The following SMG5 variants were observed in gnomAD, a reference collection of about 807,000 sequenced individuals.
The protein encoded by SMG5 is SMG5 nonsense mediated mRNA decay factor, also known as nonsense-mediated mRNA decay factor SMG5.
In SMG5, 53 loss-of-function variants were observed where a neutral mutation model predicts 122.9. That is an observed-to-expected ratio of 0.43 (90% CI 0.35 to 0.54). The LOEUF (loss-of-function observed/expected upper bound fraction) is 0.54, where lower values mean the gene tolerates loss of function less well. SMG5 is among the 20% of genes least tolerant of loss of function. The pLI is 0.01. For missense variants in SMG5, 1,153 were observed against 1,285.6 expected (o/e 0.90, Z 1.58); for synonymous variants, 477 against 490.2 (o/e 0.97, Z 0.35).
chr1:156,269,911 G>A (rs1172175602), intron 7 of SMG5, among the ~76,000 whole-genome samples: 2 of 151,974 alleles, frequency 1.3e-5, no homozygotes, highest in African/African-American at 4.8e-5. Flanking sequence ...ATGGTGGCAT[G>A]CGCCTTTAAT....
chr1:156,264,811 AGGT>A (rs1662040846), intron 12 of SMG5, among the ~76,000 whole-genome samples: 1 of 152,114 alleles, frequency 6.6e-6, no homozygotes, highest in Non-Finnish European at 1.5e-5. Flanking sequence ...AGATCACCTA[AGGT>A]CAGGAGTTTG....
chr1:156,251,415 T>C lies in SMG5; in HGVS notation c.2816A>G (p.Asp939Gly). The C allele has an allele frequency of 6.2e-7, 1 of 1,614,210 alleles. No individual in the cohort carries two copies. Among genetic ancestry groups the C allele is most frequent in the Non-Finnish European group, 8.5e-7 (1 of 1,180,026 alleles). ...GCTAAAATGTTACCAGGCATCTGCA[T>C]CCTGCCTCTTCAGCTTATGCCGCTC... Reference protein sequence around the residue: ...SFERHKLKRQDADAWTLYKIL... With the variant: ...SFERHKLKRQGADAWTLYKIL... Residue 939 changes from aspartate (D) to glycine (G), a missense_variant, in exon 20 of 22, where the codon GAT (aspartate) becomes GGT (glycine). By Grantham distance (94) the Asp-to-Gly change is moderately conservative (BLOSUM62 -1). Transcript: ENST00000361813.
At position 156,268,110 on chromosome 1, in the gene SMG5, C is replaced by T. The variant is rs758286752; in HGVS notation, c.908+5G>A. 8.7e-6 allele frequency: 14 copies of T among 1,614,068 alleles called. No individual in the cohort carries two copies. Among genetic ancestry groups the T allele is most frequent in the Non-Finnish European group, 1.1e-5 (13 of 1,179,946 alleles). On this transcript the variant is annotated splice_donor_5th_base_variant and intron_variant, in intron 9 of 21. Coordinates refer to ENST00000361813, the MANE Select transcript of SMG5 (RefSeq NM_015327.3). ...TAGTTCAGGTTCATGCTCTCTTCCACTCACCTGCTTTTGGGCTGTAGGAGG... is the reference window on the plus strand; with the variant it reads ...TAGTTCAGGTTCATGCTCTCTTCCATTCACCTGCTTTTGGGCTGTAGGAGG...
intron 7 of SMG5, among the ~76,000 whole-genome samples, chr1:156,268,973 C>A (rs1662278681): frequency 1.4e-5 from 2 of 144,054 alleles, no homozygotes; most frequent in African/African-American, 5.1e-5. Flanking sequence ...CAATCCAACT[C>A]TTTTTTTTTT....
At chr1:156,265,743 G>A (rs775559385) in intron 12 of SMG5, 38 bp downstream of exon 12, 1 of 1,589,568 alleles carries the variant, frequency 6.3e-7, no homozygotes, top group Admixed American at 1.7e-5. Flanking sequence ...TGGCATGGAG[G>A]TGCGGACCAG....
intron 20 of SMG5, 34 bp from the exon 21 acceptor site, chr1:156,251,030 A>C (rs538223929): frequency 1.2e-6 from 2 of 1,607,752 alleles, no homozygotes; most frequent in African/African-American, 1.3e-5. Flanking sequence ...AGATGGGCCA[A>C]GACCCAGCAT....
rs574658119 is a variant in SMG5 at position 156,263,249 on chromosome 1, A to T, written c.2031+146T>A. 24 of 915,136 alleles carry T rather than the reference A, an allele frequency of 2.6e-5. No individual in the cohort carries two copies. The South Asian group carries it at 4.1e-4, about 16-fold the overall frequency. The allele number at this position is 915,136 out of a possible 1,614,324, so 56.7% of individuals were successfully genotyped here. ...ATGCCTAATCCTTCCCTGTCAGAGC[A>T]TAAGGGCCCAGCACAGATAGGTGAT... On this transcript the variant is annotated intron_variant, in intron 13 of 21. Coordinates refer to ENST00000361813, the MANE Select transcript of SMG5 (RefSeq NM_015327.3).
At chr1:156,256,310 CTTTTT>C (rs533116327) in intron 16 of SMG5, among the ~76,000 whole-genome samples, 12 of 86,964 alleles carry the variant, frequency 1.4e-4, no homozygotes, top group South Asian at 3.7e-4. Context: ...CATCTTCTCT[CTTTTT>C]TTTTTTTTTT....
chr1:156,256,029 CTG>C (rs1383775487), intron 16 of SMG5, among the ~76,000 whole-genome samples: 1 of 152,198 alleles, frequency 6.6e-6, no homozygotes, highest in Non-Finnish European at 1.5e-5. Flanking sequence ...AAAGGAAAAA[CTG>C]AGAACTGTCA....
At chr1:156,269,672 G>A (rs1180967779) in intron 7 of SMG5, among the ~76,000 whole-genome samples, 4 of 152,076 alleles carry the variant, frequency 2.6e-5, no homozygotes, top group Non-Finnish European at 5.9e-5. Flanking sequence ...TCAGGAGATC[G>A]AGACCATCCT....
intron 7 of SMG5, among the ~76,000 whole-genome samples, chr1:156,271,877 G>C (rs545602907): frequency 6.6e-6 from 1 of 152,212 alleles, no homozygotes; most frequent in Admixed American, 6.5e-5. Flanking sequence ...ACAGGTATGA[G>C]CTACCAGGCC....
Position 156,266,135 on chromosome 1 carries a change from G to T in SMG5, c.1501C>A (p.Leu501Ile), listed in dbSNP as rs1205939955. 1 of 1,614,122 alleles carries T rather than the reference G, an allele frequency of 6.2e-7. No homozygotes were observed. The highest frequency in any genetic ancestry group is 8.5e-7 in the Non-Finnish European group (1 of 1,180,052). ...EGSDSGSDKS[L>I]EGGGTAFDAE... ...TCAAAGGCCGTTCCCCCACCTTCAAGACTCTTGTCAGAGCCACTGTCTGAG... is the reference window on the plus strand; with the variant it reads ...TCAAAGGCCGTTCCCCCACCTTCAATACTCTTGTCAGAGCCACTGTCTGAG... The change falls in exon 12 of 22, where the codon CTT becomes ATT. Residue 501 changes from leucine (L) to isoleucine (I), a missense_variant. Leu to Ile is a conservative substitution (Grantham distance 5). Transcript: ENST00000361813.
In SMG5 at chr1:156,250,993, A is replaced by T. The variant is rs778500057; in HGVS notation, c.2832T>A (p.Thr944=). Residue 944 remains threonine, a synonymous_variant, in exon 21 of 22, where the codon ACT becomes ACA. Transcript: ENST00000361813. The stretch of plus-strand genomic sequence containing the variant: ...TGCAGCTGTCTAGGATCTTATAGAG[A>T]GTCCTGGGGATGGGGGGCAGAGGGG... The part of the protein sequence containing the change: ...KLKRQDADAW[T]LYKILDSCKQ... The T allele has an allele frequency of 6.2e-6, 10 of 1,612,618 alleles. No individual in the cohort carries two copies. In the South Asian group the frequency reaches 6.6e-5, roughly 11 times the overall value.
intron 11 of SMG5, 28 bp from the exon 12 acceptor site, chr1:156,266,408 C>A (rs781537220): frequency 6.2e-7 from 1 of 1,603,498 alleles, no homozygotes. Context: ...TCAGGTGGAG[C>A]CCGAGGAACA....
In SMG5 at chr1:156,249,407, G is replaced by A. The variant is rs1661198053; in HGVS notation, c.*1180C>T. 2.4e-5 allele frequency: 7 copies of A among 291,430 alleles called. No homozygotes were observed. In the Middle Eastern group the frequency reaches 6.3e-3, roughly 261 times the overall value. The allele number at this position is 291,430 out of a possible 1,614,324, so 18.1% of individuals were successfully genotyped here. A position where few individuals can be genotyped will look rare whatever the true frequency, so the allele number is the denominator to read the frequency against. Reference sequence around the variant, plus strand: ...GGCTAGTACTGGGGTGGGGGCAGCAGAGCTGAGACCCTCCACCCCGAGCCC... The same window carrying A: ...GGCTAGTACTGGGGTGGGGGCAGCAAAGCTGAGACCCTCCACCCCGAGCCC... On this transcript the variant is annotated 3_prime_UTR_variant, in exon 22 of 22. Transcript: ENST00000361813.
At chr1:156,251,051 CA>C in intron 20 of SMG5, 55 bp from the exon 21 acceptor site, 1 of 1,591,434 alleles carries the variant, frequency 6.3e-7, no homozygotes, top group Non-Finnish European at 8.6e-7. Context: ...TAGCACAGCC[CA>C]AACACCAGGA....
chr1:156,278,121 A>C, intron 2 of SMG5, 73 bp from the exon 3 acceptor site: 6 of 1,566,920 alleles, frequency 3.8e-6, no homozygotes, highest in Non-Finnish European at 5.2e-6. Context: ...GAGGGCAAGG[A>C]GTCATGTGCC....
At chr1:156,285,378 C>A, upstream of SMG5, 1 of 1,584,824 alleles carries the variant, frequency 6.3e-7, no homozygotes, top group Non-Finnish European at 8.6e-7. Context: ...AGAGTGGGGT[C>A]TTCAGCTGGA....
At position 156,282,744 on chromosome 1, in the gene SMG5, C is replaced by G; in HGVS notation, c.-64G>C. On this transcript the variant is annotated 5_prime_UTR_variant, in exon 1 of 22. Coordinates refer to ENST00000361813, the MANE Select transcript of SMG5 (RefSeq NM_015327.3). ...CTGCCACCCACCACTACCGCCAACA[C>G]TGCCGTCTCCGGCCGTAGCCGCAGC... 1 of 1,506,614 alleles carries G rather than the reference C, an allele frequency of 6.6e-7. No individual in the cohort carries two copies. Among genetic ancestry groups the G allele is most frequent in the Non-Finnish European group, 8.9e-7 (1 of 1,123,034 alleles). The allele number at this position is 1,506,614 out of a possible 1,614,324, so 93.3% of individuals were successfully genotyped here.
Sources: gnomAD v4.1 joint callset for allele counts (sites outside exome capture counted in the v4.1 genomes callset) on GRCh38, gnomAD v4.1.1 for gene constraint, MANE v1.5 for transcripts, NCBI Gene and HGNC (gene_info 2026-07-23, HGNC 2026-07-21) for gene names.